Variants in CDYL observed in about 807,000 individuals in gnomAD.
CDYL encodes chromodomain Y-like protein.
CDYL carries 8 observed loss-of-function variants against 47.3 expected under a neutral mutation model. That is an observed-to-expected ratio of 0.17 (90% CI 0.10 to 0.31). CDYL has a LOEUF of 0.31. Ranked by LOEUF, CDYL falls within the 10% of genes least tolerant of loss-of-function variation. CDYL has a pLI of 1.00. For missense variants in CDYL, 471 were observed against 701.4 expected (o/e 0.67, Z 3.71); for synonymous variants, 266 against 265.0 (o/e 1.00, Z -0.04).
At chr6:4,830,115 T>C (rs1348551428) in intron 1 of CDYL, among the ~76,000 whole-genome samples, 1 of 152,254 alleles carries the variant, frequency 6.6e-6, no homozygotes, top group East Asian at 1.9e-4. Context: ...TGAATGGTTG[T>C]GGTGGAAAGT....
At chr6:4,763,082 AT>A (rs1758200582) in intron 3 of CDYL, among the ~76,000 whole-genome samples, 1 of 152,220 alleles carries the variant, frequency 6.6e-6, no homozygotes, top group South Asian at 2.1e-4. Flanking sequence ...AATATAGCAG[AT>A]TTCTCAATGG....
rs1012103060 is a variant in CDYL, at chr6:4,955,530, A to T, written c.*1474A>T. The T allele has an allele frequency of 6.6e-6, 1 of 152,614 alleles. No individual in the cohort carries two copies. Among genetic ancestry groups the T allele is most frequent in the Non-Finnish European group, 1.5e-5 (1 of 68,034 alleles). 9.5% of individuals were successfully genotyped at this position (152,614 alleles called of 1,614,324 possible). On this transcript the variant is annotated 3_prime_UTR_variant, in exon 7 of 7. Coordinates refer to ENST00000397588, the MANE Select transcript of CDYL (RefSeq NM_004824.4). The stretch of plus-strand genomic sequence containing the variant: ...TGTGAAAACTGGTTAAATAAAACTA[A>T]TATTTCTTAACACATTTGAAATGTT...
At chr6:4,791,905 C>T (rs1013050415) in intron 1 of CDYL, among the ~76,000 whole-genome samples, 4 of 142,976 alleles carry the variant, frequency 2.8e-5, no homozygotes, top group South Asian at 2.2e-4. Context: ...TTTTTTGAGA[C>T]GGAGTCTTGC....
intron 3 of CDYL, among the ~76,000 whole-genome samples, chr6:4,739,325 C>G (rs2127416448): frequency 6.6e-6 from 1 of 151,874 alleles, no homozygotes; most frequent in Non-Finnish European, 1.5e-5. Flanking sequence ...CAAGACCAGC[C>G]TGGCTAACAT....
chr6:4,945,053 T>C (rs1421048960), intron 5 of CDYL, among the ~76,000 whole-genome samples: 1 of 151,996 alleles, frequency 6.6e-6, no homozygotes, highest in Non-Finnish European at 1.5e-5. Flanking sequence ...GTGGAAAGAC[T>C]GAGGAACCGT....
chr6:4,725,605 C>G (rs1051514280), intron 2 of CDYL, among the ~76,000 whole-genome samples: 1 of 152,228 alleles, frequency 6.6e-6, no homozygotes, highest in East Asian at 1.9e-4. Flanking sequence ...GCGGGCGGAC[C>G]TGCCCGCCGA....
chr6:4,799,646 G>A (rs1759171074), intron 1 of CDYL, among the ~76,000 whole-genome samples: 1 of 152,022 alleles, frequency 6.6e-6, no homozygotes, highest in South Asian at 2.1e-4. Flanking sequence ...GATATGCCCA[G>A]GCTGATCTTG....
intron 1 of CDYL, among the ~76,000 whole-genome samples, chr6:4,797,571 A>T (rs1759109390): frequency 6.6e-6 from 1 of 152,200 alleles, no homozygotes; most frequent in Non-Finnish European, 1.5e-5. Flanking sequence ...CCTTTTGGAA[A>T]GAAACTCCAT....
intron 3 of CDYL, among the ~76,000 whole-genome samples, chr6:4,758,368 A>ATATATATATATATATATATATC (rs1400799578): frequency 1.9e-4 from 28 of 144,538 alleles, no homozygotes; most frequent in African/African-American, 6.2e-4. Flanking sequence ...ATATATATAT[A>ATATATATATATATATATATATC]TATCTCTTTG....
chr6:4,721,833 C>T (rs1023099088), intron 2 of CDYL, among the ~76,000 whole-genome samples: 1 of 152,064 alleles, frequency 6.6e-6, no homozygotes, highest in South Asian at 2.1e-4. Context: ...GTTTCAGACA[C>T]AGACTTTATC....
intron 1 of CDYL, among the ~76,000 whole-genome samples, chr6:4,822,982 C>A (rs866459112): frequency 1.3e-5 from 2 of 152,300 alleles, no homozygotes; most frequent in South Asian, 2.1e-4. Context: ...CTGCCCAATT[C>A]CTTCTGTGCT....
chr6:4,727,150 T>TA (rs1757528072), intron 2 of CDYL, among the ~76,000 whole-genome samples: 1 of 152,134 alleles, frequency 6.6e-6, no homozygotes, highest in East Asian at 1.9e-4. Flanking sequence ...TGACACAAAG[T>TA]AGCTATCTGC....
Position 4,887,850 on chromosome 6 carries a change from G to A in CDYL, c.25-3863G>A, listed in dbSNP as rs531943346. On this transcript the variant is annotated intron_variant, in intron 1 of 6. Coordinates refer to ENST00000397588, the MANE Select transcript of CDYL (RefSeq NM_004824.4). Reference sequence around the variant, plus strand: ...TCATAGATTCCTTTTATTAAGTTGAGGAAGTTCCCTCTATTTCTAGTTTAC... The same window carrying A: ...TCATAGATTCCTTTTATTAAGTTGAAGAAGTTCCCTCTATTTCTAGTTTAC... Among the ~76,000 whole-genome samples, 133 of 150,300 alleles carry A rather than the reference G, an allele frequency of 8.8e-4. 1 individual carries two copies. Among genetic ancestry groups the A allele is most frequent in the African/African-American group, 3.0e-3 (125 of 41,126 alleles).
intron 1 of CDYL, among the ~76,000 whole-genome samples, chr6:4,831,056 A>G (rs953559319): frequency 2.0e-5 from 3 of 152,124 alleles, no homozygotes; most frequent in Non-Finnish European, 2.9e-5. Context: ...TAGTGCCGCA[A>G]TAAACATACT....
chr6:4,798,907 A>T (rs1309844412), intron 1 of CDYL, among the ~76,000 whole-genome samples: 3 of 152,184 alleles, frequency 2.0e-5, no homozygotes, highest in Non-Finnish European at 4.4e-5. Flanking sequence ...TCTTTAAAGG[A>T]ATTTACCTCA....
At chr6:4,836,329 T>G in intron 1 of CDYL, 5 of 881,450 alleles carry the variant, frequency 5.7e-6, no homozygotes, top group Non-Finnish European at 6.8e-6. Context: ...ATTATTTATT[T>G]TATACGTGTG....
At chr6:4,880,736 T>C (rs1761741691) in intron 1 of CDYL, among the ~76,000 whole-genome samples, 1 of 152,254 alleles carries the variant, frequency 6.6e-6, no homozygotes, top group Non-Finnish European at 1.5e-5. Context: ...AATAGATGTG[T>C]AGTGGTATCT....
At chr6:4,790,957 G>A (rs2127434638) in intron 1 of CDYL, among the ~76,000 whole-genome samples, 1 of 152,316 alleles carries the variant, frequency 6.6e-6, no homozygotes, top group South Asian at 2.1e-4. Context: ...ACAAACATCA[G>A]CAAGTGCTCA....
intron 3 of CDYL, among the ~76,000 whole-genome samples, chr6:4,765,551 C>A (rs1257067437): frequency 6.6e-6 from 1 of 150,920 alleles, no homozygotes; most frequent in African/African-American, 2.4e-5. Context: ...TGAACAAAGT[C>A]ATCTTTTTTG....
Sources: allele counts gnomAD v4.1 joint callset (sites outside exome capture counted in the v4.1 genomes callset), GRCh38; gene constraint gnomAD v4.1.1; transcripts MANE v1.5; gene names NCBI Gene and HGNC (gene_info 2026-07-23, HGNC 2026-07-21).